Variants in ATP8A2 observed in about 807,000 individuals in gnomAD.
The protein encoded by ATP8A2 is ATPase phospholipid transporting 8A2.
A neutral mutation model predicts 165.6 loss-of-function variants in ATP8A2; 100 were observed. The ratio of observed to expected loss-of-function variants is 0.60; its 90% CI spans 0.51 to 0.71. The LOEUF (loss-of-function observed/expected upper bound fraction) is 0.71, where lower values mean the gene tolerates loss of function less well. Among genes scored for constraint, ATP8A2 ranks in the 30% least tolerant of loss-of-function variants. ATP8A2 has a pLI of 0.00. For synonymous variants in ATP8A2, 543 were observed against 548.8 expected, an observed-to-expected ratio of 0.99 and a Z score of 0.15; for missense variants, 1,227 against 1,479.5, an observed-to-expected ratio of 0.83 and a Z score of 2.80.
intron 24 of ATP8A2, among the ~76,000 whole-genome samples, chr13:25,603,335 A>G (rs1565971494): frequency 6.6e-6 from 1 of 151,876 alleles, no homozygotes; most frequent in Non-Finnish European, 1.5e-5. Context: ...AAAAAATACA[A>G]AAAAAATTTA....
intron 35 of ATP8A2, among the ~76,000 whole-genome samples, chr13:25,997,909 C>T (rs892154814): frequency 1.3e-5 from 2 of 152,164 alleles, no homozygotes; most frequent in East Asian, 3.9e-4. Flanking sequence ...CTGTTTCTGA[C>T]GTCTTGGTGT....
At chr13:25,449,698 G>A (rs937838893) in intron 1 of ATP8A2, among the ~76,000 whole-genome samples, 3 of 152,178 alleles carry the variant, frequency 2.0e-5, no homozygotes, top group Non-Finnish European at 4.4e-5. Flanking sequence ...TCAACTTGCA[G>A]ATCTATTAGT....
intron 33 of ATP8A2, among the ~76,000 whole-genome samples, chr13:25,866,057 A>G (rs1952500944): frequency 6.6e-6 from 1 of 152,200 alleles, no homozygotes. Flanking sequence ...TGCCTGCTGA[A>G]GTAGAACTTT....
intron 27 of ATP8A2, among the ~76,000 whole-genome samples, chr13:25,775,162 G>A (rs964303066): frequency 6.6e-6 from 1 of 152,154 alleles, no homozygotes; most frequent in Non-Finnish European, 1.5e-5. Flanking sequence ...GATGACCAAA[G>A]CGGGCATCTG....
chr13:25,404,383 A>G (rs1237185537), intron 1 of ATP8A2, among the ~76,000 whole-genome samples: 2 of 152,206 alleles, frequency 1.3e-5, no homozygotes, highest in East Asian at 1.9e-4. Flanking sequence ...AAAGGATTTG[A>G]ACTTCACCTG....
intron 35 of ATP8A2, among the ~76,000 whole-genome samples, chr13:25,974,978 T>C (rs1006349410): frequency 2.0e-5 from 3 of 152,138 alleles, no homozygotes; most frequent in African/African-American, 4.8e-5. Flanking sequence ...AGAACCACAG[T>C]GATTTCCGCC....
chr13:25,926,316 C>A (rs1954605906), intron 33 of ATP8A2, among the ~76,000 whole-genome samples: 1 of 152,154 alleles, frequency 6.6e-6, no homozygotes, highest in Non-Finnish European at 1.5e-5. Context: ...CATTCCATGG[C>A]CCCTCCCCTG....
chr13:25,829,085 C>G (rs929287514), intron 28 of ATP8A2, among the ~76,000 whole-genome samples: 16 of 152,178 alleles, frequency 1.1e-4, no homozygotes, highest in Non-Finnish European at 2.4e-4. Flanking sequence ...TGCTTTCACC[C>G]CCCTTTATTG....
chr13:25,727,631 T>C (rs1177201167), intron 25 of ATP8A2, among the ~76,000 whole-genome samples: 1 of 152,168 alleles, frequency 6.6e-6, no homozygotes, highest in Non-Finnish European at 1.5e-5. Flanking sequence ...ACATAAACTA[T>C]AAAATGTCCT....
chr13:25,659,896 A>G (rs61518705), intron 24 of ATP8A2, among the ~76,000 whole-genome samples: 5,242 of 152,224 alleles, frequency 0.034, 155 homozygotes, highest in East Asian at 0.13. Flanking sequence ...TCTAATAAGC[A>G]TGTTATTACA....
At chr13:25,740,559 A>T (rs943950134) in intron 25 of ATP8A2, among the ~76,000 whole-genome samples, 10 of 152,180 alleles carry the variant, frequency 6.6e-5, no homozygotes, top group African/African-American at 2.4e-4. Context: ...AGGAGGGAAA[A>T]TCAACAGAGT....
At chr13:25,489,721 C>G (rs930400280) in intron 2 of ATP8A2, among the ~76,000 whole-genome samples, 1 of 152,248 alleles carries the variant, frequency 6.6e-6, no homozygotes. Flanking sequence ...TCCCTTCACA[C>G]TTAATTGCTT....
chr13:25,474,137 T>C (rs1437938500), intron 2 of ATP8A2, among the ~76,000 whole-genome samples: 3 of 152,242 alleles, frequency 2.0e-5, no homozygotes, highest in African/African-American at 7.2e-5. Flanking sequence ...AAAAACTTCA[T>C]TACAGTGGTA....
intron 25 of ATP8A2, among the ~76,000 whole-genome samples, chr13:25,758,094 T>C (rs1167535362): frequency 6.6e-6 from 1 of 152,198 alleles, no homozygotes; most frequent in Non-Finnish European, 1.5e-5. Context: ...CTTTACTGAA[T>C]AGCTACCAGG....
chr13:25,954,942 C>A (rs1955484229), intron 33 of ATP8A2, among the ~76,000 whole-genome samples: 1 of 152,204 alleles, frequency 6.6e-6, no homozygotes, highest in African/African-American at 2.4e-5. Context: ...TGCCTCTTCT[C>A]CTCCAAAGGA....
intron 30 of ATP8A2, among the ~76,000 whole-genome samples, chr13:25,857,908 A>G (rs1952219602): frequency 6.6e-6 from 1 of 151,932 alleles, no homozygotes; most frequent in African/African-American, 2.4e-5. Flanking sequence ...TACACCTGAC[A>G]TTTTATCGTG....
intron 33 of ATP8A2, among the ~76,000 whole-genome samples, chr13:25,934,246 A>C (rs1316165815): frequency 1.3e-5 from 2 of 152,190 alleles, no homozygotes; most frequent in Non-Finnish European, 2.9e-5. Context: ...GCTGTGTAGA[A>C]AACAGCTTCC....
At chr13:25,565,534 GA>G (rs1415002736) in intron 16 of ATP8A2, among the ~76,000 whole-genome samples, 3 of 152,134 alleles carry the variant, frequency 2.0e-5, no homozygotes, top group Non-Finnish European at 4.4e-5. Context: ...CTTCTTTTAA[GA>G]ATTGTCTATT....
intron 26 of ATP8A2, 40 bp downstream of exon 26, chr13:25,769,269 A>G: frequency 1.3e-6 from 2 of 1,571,834 alleles, no homozygotes; most frequent in African/African-American, 1.4e-5. Context: ...TCCTGTTGAG[A>G]GATGATAGCT....
Sources: allele counts gnomAD v4.1 joint callset (sites outside exome capture counted in the v4.1 genomes callset), GRCh38; gene constraint gnomAD v4.1.1; transcripts MANE v1.5; gene names NCBI Gene and HGNC (gene_info 2026-07-23, HGNC 2026-07-21).